LINGO2: variants seen among roughly 807,000 people sequenced by gnomAD.
LINGO2 encodes leucine-rich repeat and immunoglobulin-like domain-containing nogo receptor-interacting protein 2.
Under a neutral mutation model 30.6 loss-of-function variants are expected in LINGO2, and 14 were observed. The observed-to-expected ratio is 0.46, with a 90% CI of 0.30 to 0.72. The LOEUF (loss-of-function observed/expected upper bound fraction) is 0.72, where lower values mean the gene tolerates loss of function less well. Ranked by LOEUF, LINGO2 falls within the 30% of genes least tolerant of loss-of-function variation. The pLI, the probability that LINGO2 is intolerant of heterozygous loss-of-function variation, is 0.07. For synonymous variants in LINGO2, 317 were observed against 288.5 expected, an observed-to-expected ratio of 1.10 and a Z score of -1.00; for missense variants, 729 against 751.7, an observed-to-expected ratio of 0.97 and a Z score of 0.35.
At chr9:28,856,176 C>G in the LINGO2 span, among the ~76,000 whole-genome samples, 1 of 151,884 alleles carries the variant, frequency 6.6e-6, no homozygotes, top group Non-Finnish European at 1.5e-5. Context: ...TGGGAGAACA[C>G]AATTTTGTTG....
intron 4 of LINGO2, among the ~76,000 whole-genome samples, chr9:28,239,331 A>C (rs2133966194): frequency 6.6e-6 from 1 of 152,228 alleles, no homozygotes; most frequent in Admixed American, 6.5e-5. Flanking sequence ...AAGATACATC[A>C]AAAAAAGAAA....
In LINGO2 at chr9:28,472,530, T is replaced by C. The variant is rs550162050; in HGVS notation, c.-279+3410A>G. Among the ~76,000 whole-genome samples the C allele has an allele frequency of 1.1e-3, 167 of 152,254 alleles. 2 individuals carry two copies. Among genetic ancestry groups the C allele is most frequent in the African/African-American group, 3.9e-3 (162 of 41,578 alleles). ...TTTACTATTAGGTTGTCCTAACGTT[T>C]AAAGAATAAGTAATTTCCATGCAAT... On this transcript the variant is annotated intron_variant, in intron 2 of 5. Transcript: ENST00000379992.
At chr9:28,928,228 A>G in the LINGO2 span, among the ~76,000 whole-genome samples, 190 of 152,364 alleles carry the variant, frequency 1.2e-3, 1 homozygote, top group Non-Finnish European at 1.6e-3. Context: ...ACCCTTTTAT[A>G]TAACTAATTA....
At chr9:28,229,852 C>A (rs73645620) in intron 4 of LINGO2, among the ~76,000 whole-genome samples, 1 of 151,736 alleles carries the variant, frequency 6.6e-6, no homozygotes, top group African/African-American at 2.4e-5. Context: ...TCATGTATCC[C>A]TAGCCCATTT....
the LINGO2 span, among the ~76,000 whole-genome samples, chr9:28,989,887 C>T: frequency 6.6e-6 from 1 of 152,262 alleles, no homozygotes; most frequent in African/African-American, 2.4e-5. Context: ...ACCTTAAAAA[C>T]CACAAGCTAA....
At chr9:28,948,753 T>G in the LINGO2 span, among the ~76,000 whole-genome samples, 1 of 152,110 alleles carries the variant, frequency 6.6e-6, no homozygotes, top group Non-Finnish European at 1.5e-5. Context: ...GAAACCTGAT[T>G]GTGTAAAACA....
chr9:28,299,031 G>T (rs1480769064), intron 3 of LINGO2, among the ~76,000 whole-genome samples: 3 of 152,072 alleles, frequency 2.0e-5, no homozygotes, highest in African/African-American at 7.2e-5. Context: ...TTTGAAGAAA[G>T]CTTTTCAAAG....
chr9:28,143,321 C>A (rs1324454931), intron 4 of LINGO2, among the ~76,000 whole-genome samples: 1 of 152,126 alleles, frequency 6.6e-6, no homozygotes, highest in African/African-American at 2.4e-5. Context: ...AATGTCAATT[C>A]TAAGGACTGG....
the LINGO2 span, among the ~76,000 whole-genome samples, chr9:29,015,448 T>C: frequency 1.3e-5 from 2 of 152,142 alleles, no homozygotes; most frequent in Non-Finnish European, 2.9e-5. Flanking sequence ...TAATAGATCA[T>C]AGGGTCTCTG....
intron 1 of LINGO2, among the ~76,000 whole-genome samples, chr9:28,603,019 A>G (rs2071235675): frequency 6.6e-6 from 1 of 152,110 alleles, no homozygotes; most frequent in South Asian, 2.1e-4. Flanking sequence ...GATAAAGAAG[A>G]TGTCCAATAG....
intron 1 of LINGO2, among the ~76,000 whole-genome samples, chr9:28,632,541 A>G (rs1345447041): frequency 6.7e-6 from 1 of 148,324 alleles, no homozygotes; most frequent in Non-Finnish European, 1.5e-5. Context: ...TATATAACAT[A>G]TATCTCAATA....
the LINGO2 span, among the ~76,000 whole-genome samples, chr9:28,884,954 TA>T: frequency 1.9e-3 from 59 of 31,288 alleles, no homozygotes; most frequent in African/African-American, 7.3e-3. Flanking sequence ...ATATAATATA[TA>T]ATATTTTATA....
chr9:28,565,527 A>G (rs1823330104), intron 1 of LINGO2, among the ~76,000 whole-genome samples: 1 of 146,888 alleles, frequency 6.8e-6, no homozygotes, highest in Middle Eastern at 3.7e-3. Flanking sequence ...AGACATCTAG[A>G]GACAGAGAGA....
At chr9:27,938,870 A>G in the LINGO2 span, 1 of 152,164 alleles carries the variant, frequency 6.6e-6, no homozygotes, top group African/African-American at 2.4e-5. Flanking sequence ...GTGCTTGGAT[A>G]ATTGGAAAAT....
At chr9:29,070,722 T>G in the LINGO2 span, among the ~76,000 whole-genome samples, 2 of 146,378 alleles carry the variant, frequency 1.4e-5, no homozygotes, top group African/African-American at 2.5e-5. Flanking sequence ...AACTTCACCC[T>G]AAAAGACTTC....
chr9:28,900,718 A>T, the LINGO2 span, among the ~76,000 whole-genome samples: 1 of 152,232 alleles, frequency 6.6e-6, no homozygotes, highest in Admixed American at 6.5e-5. Context: ...GACTGAAATG[A>T]GTCCCTACTT....
At chr9:28,808,648 A>G in the LINGO2 span, among the ~76,000 whole-genome samples, 1 of 152,232 alleles carries the variant, frequency 6.6e-6, no homozygotes, top group African/African-American at 2.4e-5. Flanking sequence ...GTGAAAGCTA[A>G]GTAATTTCAT....
intron 1 of LINGO2, among the ~76,000 whole-genome samples, chr9:28,524,341 G>A (rs1474384805): frequency 6.6e-6 from 1 of 152,168 alleles, no homozygotes; most frequent in East Asian, 1.9e-4. Flanking sequence ...GAATATGTTT[G>A]TAACTTAATT....
intron 4 of LINGO2, among the ~76,000 whole-genome samples, chr9:28,135,068 A>T (rs1017058272): frequency 1.3e-5 from 2 of 152,246 alleles, no homozygotes; most frequent in African/African-American, 4.8e-5. Context: ...AACCACGAGT[A>T]ACAAAACAGT....
Sources: allele counts gnomAD v4.1 joint callset (sites outside exome capture counted in the v4.1 genomes callset), GRCh38; gene constraint gnomAD v4.1.1; transcripts MANE v1.5; gene names NCBI Gene and HGNC (gene_info 2026-07-23, HGNC 2026-07-21).